CAND1: variants seen among roughly 807,000 people sequenced by gnomAD.
CAND1 encodes cullin associated and neddylation dissociated 1.
Under a neutral mutation model 108.5 loss-of-function variants are expected in CAND1, and 7 were observed. The ratio of observed to expected loss-of-function variants is 0.06; its 90% confidence interval spans 0.04 to 0.12. The LOEUF (loss-of-function observed/expected upper bound fraction) is 0.12, where lower values mean the gene tolerates loss of function less well. CAND1 is among the 10% of genes least tolerant of loss of function. CAND1 has a pLI of 1.00. For missense variants in CAND1, 941 were observed against 1,448.7 expected (o/e 0.65, Z 5.69); for synonymous variants, 534 against 512.0 (o/e 1.04, Z -0.58).
intron 2 of CAND1, 154 bp downstream of exon 2, chr12:67,282,207 A>G (rs975083428): frequency 1.5e-6 from 1 of 679,028 alleles, no homozygotes; most frequent in East Asian, 2.7e-5. Context: ...TAGTGTTTGT[A>G]TATGGTATAT....
rs2044779960 is a variant in CAND1, at chr12:67,297,416, ACTT to A, written c.505_507del (p.Leu169del). ...TTTATTTTATTTTAAGGCAAGGAGG[ACTT>A]CTTGTTAATTTCCATCCTTCAATTC... is the stretch of plus-strand genomic sequence containing the variant. On this transcript the variant is annotated inframe_deletion, in exon 5 of 15. Coordinates refer to ENST00000545606, the MANE Select transcript of CAND1 (RefSeq NM_018448.5). The A allele has an allele frequency of 6.2e-7, 1 of 1,610,230 alleles. No individual in the cohort carries two copies. Among genetic ancestry groups the A allele is most frequent in the African/African-American group, 1.3e-5 (1 of 74,616 alleles).
intron 8 of CAND1, among the ~76,000 whole-genome samples, chr12:67,303,387 G>T (rs183201868): frequency 1.3e-5 from 2 of 152,244 alleles, no homozygotes; most frequent in Non-Finnish European, 1.5e-5. Flanking sequence ...CATTTTTGTG[G>T]TGAACTTACT....
chr12:67,297,560 T>C lies in CAND1; in HGVS notation c.645T>C (p.Ile215=), dbSNP rs1247462960. The C allele has an allele frequency of 1.9e-6, 3 of 1,614,156 alleles. No homozygotes were observed. Among genetic ancestry groups the C allele is most frequent in the Admixed American group, 1.7e-5 (1 of 60,016 alleles). The change falls in exon 5 of 15, where the codon ATT becomes ATC. Residue 215 remains isoleucine, a synonymous_variant. Coordinates refer to ENST00000545606, the MANE Select transcript of CAND1 (RefSeq NM_018448.5). The stretch of plus-strand genomic sequence containing the variant: ...GAAATATAGTTTTTGTAGATCTTAT[T>C]GAACATCTGTTGTCAGAGTTGTCCA... ...SCGNIVFVDL[I]EHLLSELSKN... is the part of the protein sequence containing the mutation.
At chr12:67,277,458 C>T (rs1264653805) in intron 1 of CAND1, among the ~76,000 whole-genome samples, 1 of 152,150 alleles carries the variant, frequency 6.6e-6, no homozygotes, top group Non-Finnish European at 1.5e-5. Flanking sequence ...ACATTATAGC[C>T]TTCTTGCACT....
intron 2 of CAND1, among the ~76,000 whole-genome samples, chr12:67,282,809 A>G (rs1486583154): frequency 6.6e-6 from 1 of 152,220 alleles, no homozygotes; most frequent in Non-Finnish European, 1.5e-5. Context: ...TATACATATG[A>G]TACGATAGTT....
At chr12:67,286,610 TCTC>T (rs1431494986) in intron 2 of CAND1, among the ~76,000 whole-genome samples, 4 of 151,906 alleles carry the variant, frequency 2.6e-5, no homozygotes, top group African/African-American at 4.8e-5. Context: ...TTCTAGTTCT[TCTC>T]TGAATTTGAT....
chr12:67,306,234 G>A lies in CAND1; in HGVS notation c.2566G>A (p.Glu856Lys), dbSNP rs757191171. The A allele has an allele frequency of 6.2e-7, 1 of 1,614,042 alleles. No individual in the cohort carries two copies. Among genetic ancestry groups the A allele is most frequent in the Non-Finnish European group, 8.5e-7 (1 of 1,179,976 alleles). The change falls in exon 10 of 15, where the codon GAA becomes AAA. Residue 856 changes from glutamate to lysine, a missense_variant. This residue lies in a region of CAND1 where 697 missense variants were observed against 942.0 expected (regional missense o/e 0.74). Transcript: ENST00000545606. The part of the protein sequence containing the change: ...GHHIDLSGQL[E>K]LKSVILEAFS... ...TCATATTGACTTAAGTGGACAGTTG[G>A]AACTAAAATCTGTAATACTAGAAGC...
At chr12:67,272,105 C>T (rs1380850461) in intron 1 of CAND1, among the ~76,000 whole-genome samples, 1 of 152,076 alleles carries the variant, frequency 6.6e-6, no homozygotes, top group African/African-American at 2.4e-5. Flanking sequence ...TTTAAAAATA[C>T]CTAGCACTAG....
rs1251878996 is a variant in CAND1, at chr12:67,317,461, TTTTC to T, written c.*4638_*4641del. 25 of 151,050 alleles carry T rather than the reference TTTTC, an allele frequency of 1.7e-4. No individual in the cohort carries two copies. The highest frequency in any genetic ancestry group is 5.6e-4 in the African/African-American group (23 of 40,876). The allele number at this position is 151,050 out of a possible 1,614,324, so 9.4% of individuals were successfully genotyped here. On this transcript the variant is annotated 3_prime_UTR_variant, in exon 15 of 15. Coordinates refer to ENST00000545606, the MANE Select transcript of CAND1 (RefSeq NM_018448.5). Reference sequence around the variant, plus strand: ...TGTTGTTGATTTCTTTTTTCTTTTTTTTTCTTTCTTAATTTTTTTTTTTTTTTTT... The same window carrying T: ...TGTTGTTGATTTCTTTTTTCTTTTTTTTTCTTAATTTTTTTTTTTTTTTTT...
At chr12:67,300,195 GT>G (rs1303401825) in intron 7 of CAND1, among the ~76,000 whole-genome samples, 1 of 152,142 alleles carries the variant, frequency 6.6e-6, no homozygotes, top group Non-Finnish European at 1.5e-5. Context: ...TCCTATCGTT[GT>G]GATTACTCCA....
At chr12:67,308,741 T>C (rs915027024) in intron 11 of CAND1, among the ~76,000 whole-genome samples, 1 of 151,986 alleles carries the variant, frequency 6.6e-6, no homozygotes, top group Non-Finnish European at 1.5e-5. Flanking sequence ...AATCTACCAG[T>C]TTAGTATGCA....
In CAND1 at chr12:67,291,358, TCTC is replaced by T. The variant is rs150421900; in HGVS notation, c.213-1260_213-1258del. On this transcript the variant is annotated intron_variant, in intron 2 of 14. Transcript: ENST00000545606. ...TATAAAAGGCACATTGTTTTATAAA[TCTC>T]CTCAAGGAAATTCAAGGGCAGTGGA... 3.9e-3 allele frequency among the ~76,000 whole-genome samples: 589 copies of T among 152,304 alleles called. 6 individuals are homozygous for T. The highest frequency in any genetic ancestry group is 0.013 in the African/African-American group (559 of 41,556).
chr12:67,286,604 A>G (rs1176269558), intron 2 of CAND1, among the ~76,000 whole-genome samples: 3 of 140,370 alleles, frequency 2.1e-5, no homozygotes, highest in African/African-American at 2.6e-5. Flanking sequence ...ATCAAGTTCT[A>G]GTTCTTCTCT....
intron 7 of CAND1, among the ~76,000 whole-genome samples, chr12:67,299,386 A>G (rs964846254): frequency 2.6e-5 from 4 of 152,122 alleles, no homozygotes; most frequent in African/African-American, 9.7e-5. Flanking sequence ...TTCTTTAAGT[A>G]TACAGAAAAA....
chr12:67,311,333 T>C (rs1281656478), intron 13 of CAND1: 1 of 152,116 alleles, frequency 6.6e-6, no homozygotes, highest in Non-Finnish European at 1.5e-5. Context: ...GTTCAGTAAT[T>C]TTCTAGTTCT....
At chr12:67,286,621 G>A in intron 2 of CAND1, among the ~76,000 whole-genome samples, 1 of 146,254 alleles carries the variant, frequency 6.8e-6, no homozygotes. Context: ...CTCTGAATTT[G>A]ATGAGCTTAA....
chr12:67,276,040 G>A (rs958604308), intron 1 of CAND1, among the ~76,000 whole-genome samples: 10 of 152,012 alleles, frequency 6.6e-5, no homozygotes, highest in Non-Finnish European at 1.3e-4. Context: ...CCCTTCTCCC[G>A]TCTGTCTTCT....
intron 4 of CAND1, 83 bp downstream of exon 4, chr12:67,295,239 A>G (rs776179107): frequency 1.9e-5 from 24 of 1,289,580 alleles, no homozygotes; most frequent in Non-Finnish European, 2.4e-5. Context: ...TAAATATAAT[A>G]AAACTTGGTC....
In CAND1 at chr12:67,289,366, G is replaced by GTAC. The variant is rs892645442; in HGVS notation, c.213-3255_213-3253dup. 6.4e-5 allele frequency among the ~76,000 whole-genome samples: 4 copies of GTAC among 62,188 alleles called. No homozygotes were observed. In the South Asian group the frequency reaches 1.1e-3, roughly 16 times the overall value. 40.8% of individuals were successfully genotyped at this position (62,188 alleles called of 152,430 possible). On this transcript the variant is annotated intron_variant, in intron 2 of 14. Coordinates refer to ENST00000545606, the MANE Select transcript of CAND1 (RefSeq NM_018448.5). ...CCAGAGTAGCTGGGATTACAGGCAT[G>GTAC]TACCATGTCCAGCTAATTAATAATA... is the stretch of plus-strand genomic sequence containing the variant.
Sources: allele counts gnomAD v4.1 joint callset (sites outside exome capture counted in the v4.1 genomes callset), GRCh38; gene constraint gnomAD v4.1.1; regional missense constraint gnomAD v4.1.1; transcripts MANE v1.5; gene names NCBI Gene and HGNC (gene_info 2026-07-23, HGNC 2026-07-21).